The following GARRE1 variants were observed in gnomAD, a reference collection of about 807,000 sequenced individuals.
GARRE1 encodes granule associated Rac and RHOG effector 1, also known as granule associated Rac and RHOG effector protein 1.
GARRE1 carries 49 observed loss-of-function variants against 103.2 expected under a neutral mutation model. The observed-to-expected ratio is 0.47, with a 90% CI of 0.38 to 0.60. The LOEUF (loss-of-function observed/expected upper bound fraction) is 0.60, where lower values mean the gene tolerates loss of function less well. GARRE1 is among the 20% of genes least tolerant of loss of function. The pLI is 0.00. For synonymous variants in GARRE1, 505 were observed against 532.8 expected (o/e 0.95, Z 0.72); for missense variants, 1,199 against 1,370.5 (o/e 0.87, Z 1.98).
At chr19:34,288,485 C>T (rs921852090) in intron 1 of GARRE1, among the ~76,000 whole-genome samples, 1 of 152,196 alleles carries the variant, frequency 6.6e-6, no homozygotes, top group African/African-American at 2.4e-5. Context: ...TTGCTTTCGT[C>T]TGGGCAGAAC....
chr19:34,290,115 G>A (rs2073909335), intron 1 of GARRE1, among the ~76,000 whole-genome samples: 1 of 151,786 alleles, frequency 6.6e-6, no homozygotes, highest in African/African-American at 2.4e-5. Context: ...CCAGCACTTT[G>A]GGAGGCTGAG....
At chr19:34,347,720 T>C (rs568063281) in intron 10 of GARRE1, among the ~76,000 whole-genome samples, 157 bp from the exon 11 acceptor site, 2 of 152,278 alleles carry the variant, frequency 1.3e-5, no homozygotes, top group African/African-American at 4.8e-5. Flanking sequence ...CACAGCAGGG[T>C]GCTGGGCACA....
intron 2 of GARRE1, among the ~76,000 whole-genome samples, chr19:34,310,355 G>A (rs1016942653): frequency 6.6e-5 from 10 of 152,240 alleles, no homozygotes; most frequent in African/African-American, 2.4e-4. Flanking sequence ...CCATGTATGG[G>A]TTATGTGTCC....
At chr19:34,331,542 T>C (rs1438296115) in intron 7 of GARRE1, among the ~76,000 whole-genome samples, 1 of 152,212 alleles carries the variant, frequency 6.6e-6, no homozygotes, top group Admixed American at 6.5e-5. Context: ...AAGTAATGAT[T>C]TGTTCATTTC....
intron 1 of GARRE1, among the ~76,000 whole-genome samples, chr19:34,287,498 T>G (rs2073894333): frequency 6.6e-6 from 1 of 152,176 alleles, no homozygotes; most frequent in Non-Finnish European, 1.5e-5. Context: ...GTGAAAAAAA[T>G]TGCTAAAAAT....
chr19:34,332,997 C>T (rs2074144214), intron 7 of GARRE1, among the ~76,000 whole-genome samples: 1 of 152,080 alleles, frequency 6.6e-6, no homozygotes, highest in South Asian at 2.1e-4. Context: ...TCATCCACTT[C>T]TGGGCGTGTC....
At chr19:34,341,353 CA>C in intron 9 of GARRE1, 68 bp from the exon 10 acceptor site, 1 of 1,335,016 alleles carries the variant, frequency 7.5e-7, no homozygotes, top group Non-Finnish European at 1.0e-6. Context: ...TTCTTAAATA[CA>C]AAGAGGTCCA....
chr19:34,315,680 C>T (rs1394597411), intron 2 of GARRE1, among the ~76,000 whole-genome samples: 1 of 124,832 alleles, frequency 8.0e-6, no homozygotes, highest in Non-Finnish European at 1.6e-5. Context: ...CACTGCACTC[C>T]AGCCTGGGCA....
chr19:34,275,100 C>G (rs971600800), intron 1 of GARRE1, among the ~76,000 whole-genome samples: 1 of 151,590 alleles, frequency 6.6e-6, no homozygotes. Flanking sequence ...TGTAGTGTCT[C>G]CACATTATCA....
intron 10 of GARRE1, 58 bp downstream of exon 10, chr19:34,342,513 C>A: frequency 6.9e-7 from 1 of 1,451,428 alleles, no homozygotes; most frequent in Non-Finnish European, 9.5e-7. Context: ...CTGCCGAGGT[C>A]TTCCCAGGGC....
intron 3 of GARRE1, among the ~76,000 whole-genome samples, chr19:34,324,141 C>A (rs957490497): frequency 1.3e-5 from 2 of 152,124 alleles, no homozygotes; most frequent in African/African-American, 2.4e-5. Flanking sequence ...TGTTTTCTCT[C>A]CCTCATCCTC....
intron 1 of GARRE1, among the ~76,000 whole-genome samples, chr19:34,256,143 C>A (rs1183305329): frequency 2.0e-5 from 3 of 151,694 alleles, no homozygotes; most frequent in African/African-American, 4.8e-5. Flanking sequence ...CCGGCCGTAA[C>A]GTTCAATTTT....
chr19:34,290,384 T>A lies in GARRE1; in HGVS notation c.-795-9295T>A, dbSNP rs576074172. Among the ~76,000 whole-genome samples the A allele has an allele frequency of 2.0e-5, 3 of 152,058 alleles. No homozygotes were observed. In the South Asian group the frequency reaches 6.2e-4, roughly 32 times the overall value. ...AAAAAAAGAAGAAAAGAAAATGCATTTAATATTCCTAATGTACCAAACGTC... is the reference window on the plus strand; with the variant it reads ...AAAAAAAGAAGAAAAGAAAATGCATATAATATTCCTAATGTACCAAACGTC... On this transcript the variant is annotated intron_variant, in intron 1 of 13. Transcript: ENST00000299505.
intron 1 of GARRE1, among the ~76,000 whole-genome samples, chr19:34,287,044 CAGG>C (rs2073891255): frequency 6.7e-6 from 1 of 149,982 alleles, no homozygotes; most frequent in Non-Finnish European, 1.5e-5. Flanking sequence ...GAGGCTGAGG[CAGG>C]AGAATGGCGT....
At chr19:34,349,474 C>CT (rs1286883230) in intron 12 of GARRE1, among the ~76,000 whole-genome samples, 1 of 152,222 alleles carries the variant, frequency 6.6e-6, no homozygotes, top group Non-Finnish European at 1.5e-5. Flanking sequence ...CACCAACAGG[C>CT]TCTGCAACCC....
intron 2 of GARRE1, among the ~76,000 whole-genome samples, chr19:34,315,350 A>T (rs2074055085): frequency 1.3e-5 from 2 of 152,156 alleles, no homozygotes; most frequent in Admixed American, 6.5e-5. Flanking sequence ...CTGCAACTAA[A>T]CTTTGAAATA....
chr19:34,299,572 A>G (rs1424658563), intron 1 of GARRE1, 107 bp from the exon 2 acceptor site: 1 of 152,210 alleles, frequency 6.6e-6, no homozygotes, highest in African/African-American at 2.4e-5. Flanking sequence ...TTATAATATG[A>G]TTTCTTATTC....
chr19:34,352,621 A>G, intron 13 of GARRE1, 26 bp from the exon 14 acceptor site: 1 of 1,588,672 alleles, frequency 6.3e-7, no homozygotes, highest in African/African-American at 1.3e-5. Flanking sequence ...CCGAAATGCC[A>G]CTAAGAACTC....
At chr19:34,270,546 A>G (rs2073781070) in intron 1 of GARRE1, among the ~76,000 whole-genome samples, 1 of 152,170 alleles carries the variant, frequency 6.6e-6, no homozygotes, top group African/African-American at 2.4e-5. Context: ...CTTGACTGGC[A>G]GCTTGAAGTG....
Sources: allele counts gnomAD v4.1 joint callset (sites outside exome capture counted in the v4.1 genomes callset), GRCh38; gene constraint gnomAD v4.1.1; transcripts MANE v1.5; gene names NCBI Gene and HGNC (gene_info 2026-07-23, HGNC 2026-07-21).